The following GALNT13 variants were observed in gnomAD, a reference collection of about 807,000 sequenced individuals.
The protein encoded by GALNT13 is UDP-GalNAc:polypeptide N-acetylgalactosaminyltransferase 13.
Under a neutral mutation model 64.2 loss-of-function variants are expected in GALNT13, and 28 were observed. The observed-to-expected ratio is 0.44, with a 90% confidence interval of 0.32 to 0.60. The LOEUF (loss-of-function observed/expected upper bound fraction) is 0.60. Among genes scored for constraint, GALNT13 ranks in the 20% least tolerant of loss-of-function variants. The pLI is 0.05. For missense variants in GALNT13, 577 were observed against 669.8 expected (o/e 0.86, Z 1.53); for synonymous variants, 214 against 224.6 (o/e 0.95, Z 0.42).
At chr2:153,862,724 A>G in the GALNT13 span, among the ~76,000 whole-genome samples, 2 of 152,044 alleles carry the variant, frequency 1.3e-5, no homozygotes, top group Admixed American at 6.6e-5. Context: ...TTTATAGCAT[A>G]TATATATTTG....
chr2:154,146,136 GTATATATA>G (rs145289172), intron 4 of GALNT13, among the ~76,000 whole-genome samples: 1 of 148,226 alleles, frequency 6.7e-6, no homozygotes, highest in South Asian at 2.1e-4. Context: ...GTGTGTGTGT[GTATATATA>G]TATATATACA....
chr2:154,039,222 A>G (rs894167552), intron 3 of GALNT13, among the ~76,000 whole-genome samples: 1 of 152,088 alleles, frequency 6.6e-6, no homozygotes, highest in East Asian at 1.9e-4. Context: ...AAAACTAAAA[A>G]TAGAACTACC....
chr2:153,248,636 ACGC>A, the GALNT13 span, among the ~76,000 whole-genome samples: 2 of 151,628 alleles, frequency 1.3e-5, no homozygotes, highest in Non-Finnish European at 2.9e-5. Flanking sequence ...ACACGGTGAA[ACGC>A]CATCTCTACT....
chr2:153,810,048 TCTC>T, the GALNT13 span, among the ~76,000 whole-genome samples: 1 of 152,092 alleles, frequency 6.6e-6, no homozygotes, highest in Non-Finnish European at 1.5e-5. Context: ...GCAAGCTTCT[TCTC>T]CTGGGTTCAC....
chr2:154,270,273 T>G (rs1228520613), intron 8 of GALNT13, among the ~76,000 whole-genome samples: 2 of 151,922 alleles, frequency 1.3e-5, no homozygotes, highest in Non-Finnish European at 2.9e-5. Flanking sequence ...GATATGATGC[T>G]TTACCTTGTA....
At chr2:153,724,547 A>T in the GALNT13 span, among the ~76,000 whole-genome samples, 1 of 110,286 alleles carries the variant, frequency 9.1e-6, no homozygotes, top group Admixed American at 9.3e-5. Flanking sequence ...AATTTTCACA[A>T]CCTACTCATC....
At chr2:153,278,456 C>T in the GALNT13 span, among the ~76,000 whole-genome samples, 1 of 152,024 alleles carries the variant, frequency 6.6e-6, no homozygotes, top group Non-Finnish European at 1.5e-5. Context: ...TGGTGTTTCC[C>T]AGGTTTTCTT....
At chr2:153,179,974 C>T in the GALNT13 span, among the ~76,000 whole-genome samples, 2 of 152,078 alleles carry the variant, frequency 1.3e-5, no homozygotes, top group South Asian at 4.1e-4. Context: ...CATCAGCAAA[C>T]AGCAACAATT....
the GALNT13 span, among the ~76,000 whole-genome samples, chr2:153,606,715 C>A: frequency 6.6e-6 from 1 of 151,974 alleles, no homozygotes; most frequent in Non-Finnish European, 1.5e-5. Context: ...GTGTGACAAG[C>A]CATATGGCCC....
At chr2:153,233,237 T>G in the GALNT13 span, among the ~76,000 whole-genome samples, 1 of 152,230 alleles carries the variant, frequency 6.6e-6, no homozygotes, top group Non-Finnish European at 1.5e-5. Context: ...GGTTCTTACA[T>G]GGCCACCATA....
chr2:153,202,741 T>C, the GALNT13 span, among the ~76,000 whole-genome samples: 6 of 152,338 alleles, frequency 3.9e-5, no homozygotes, highest in African/African-American at 1.4e-4. Context: ...GTGTGCTGGA[T>C]GATTTAAAAT....
intron 8 of GALNT13, among the ~76,000 whole-genome samples, chr2:154,292,875 A>C (rs1692722779): frequency 6.6e-6 from 1 of 152,204 alleles, no homozygotes; most frequent in Non-Finnish European, 1.5e-5. Flanking sequence ...TATGAACTTT[A>C]ATTAAAATGT....
the GALNT13 span, among the ~76,000 whole-genome samples, chr2:153,220,308 G>C: frequency 6.6e-6 from 1 of 152,206 alleles, no homozygotes. Context: ...CAAGGCCAGG[G>C]AGAGGCAGTT....
the GALNT13 span, among the ~76,000 whole-genome samples, chr2:153,862,574 C>T: frequency 6.6e-6 from 1 of 152,066 alleles, no homozygotes; most frequent in Non-Finnish European, 1.5e-5. Context: ...TTTCCTAACA[C>T]TCATAAATTA....
At chr2:153,082,725 G>A in the GALNT13 span, among the ~76,000 whole-genome samples, 1 of 125,586 alleles carries the variant, frequency 8.0e-6, no homozygotes, top group East Asian at 2.3e-4. Flanking sequence ...ATAAAATTTA[G>A]GCTGGTTTAT....
At chr2:153,984,007 CTGTCATCTTTAA>C (rs1038638945) in intron 3 of GALNT13, among the ~76,000 whole-genome samples, 2 of 151,734 alleles carry the variant, frequency 1.3e-5, no homozygotes, top group Non-Finnish European at 3.0e-5. Flanking sequence ...TTTATTATAC[CTGTCATCTTTAA>C]TTTTAAAGTC....
intron 8 of GALNT13, among the ~76,000 whole-genome samples, chr2:154,272,496 G>T (rs1024071882): frequency 6.6e-6 from 1 of 151,914 alleles, no homozygotes; most frequent in African/African-American, 2.4e-5. Context: ...GATATTCCAC[G>T]TGCATGTTAC....
At chr2:153,984,262 A>T (rs1694651960) in intron 3 of GALNT13, among the ~76,000 whole-genome samples, 1 of 151,776 alleles carries the variant, frequency 6.6e-6, no homozygotes, top group Non-Finnish European at 1.5e-5. Flanking sequence ...AATTATTTTT[A>T]TAATTGACTA....
At chr2:153,255,851 G>T in the GALNT13 span, among the ~76,000 whole-genome samples, 1 of 152,170 alleles carries the variant, frequency 6.6e-6, no homozygotes, top group African/African-American at 2.4e-5. Context: ...TAGTCTGATG[G>T]GCTTCCCTTT....
Sources: allele counts gnomAD v4.1 joint callset (sites outside exome capture counted in the v4.1 genomes callset), GRCh38; gene constraint gnomAD v4.1.1; transcripts MANE v1.5; gene names NCBI Gene and HGNC (gene_info 2026-07-23, HGNC 2026-07-21).